Variants in TNIP3 observed in about 807,000 individuals in gnomAD.
TNIP3 encodes TNFAIP3 interacting protein 3.
Under a neutral mutation model 54.1 loss-of-function variants are expected in TNIP3, and 34 were observed. The ratio of observed to expected loss-of-function variants is 0.63; its 90% CI spans 0.48 to 0.84. The LOEUF is 0.84. Among genes scored for constraint, TNIP3 ranks in the 40% least tolerant of loss-of-function variants. The pLI is 0.00. For synonymous variants in TNIP3, 134 were observed against 136.8 expected, an observed-to-expected ratio of 0.98 and a Z score of 0.14; for missense variants, 366 against 387.6, an observed-to-expected ratio of 0.94 and a Z score of 0.47.
At chr4:121,135,597 C>T (rs1456309095) in intron 10 of TNIP3, among the ~76,000 whole-genome samples, 1 of 152,050 alleles carries the variant, frequency 6.6e-6, no homozygotes, top group Admixed American at 6.5e-5. Context: ...CAGGGTTTCA[C>T]CATGTTGCCC....
intron 2 of TNIP3, chr4:121,192,702 C>T (rs1725363212): frequency 6.6e-6 from 1 of 152,052 alleles, no homozygotes; most frequent in African/African-American, 2.4e-5. Flanking sequence ...TTTTGAGTTC[C>T]GGAGAAGGGG....
chr4:121,160,659 T>C (rs1458692722), intron 2 of TNIP3, among the ~76,000 whole-genome samples: 1 of 152,220 alleles, frequency 6.6e-6, no homozygotes, highest in Non-Finnish European at 1.5e-5. Context: ...ACTTTATTTA[T>C]GATAATGCTT....
At chr4:121,162,665 A>G (rs552904729) in intron 1 of TNIP3, among the ~76,000 whole-genome samples, 2 of 152,370 alleles carry the variant, frequency 1.3e-5, no homozygotes, top group East Asian at 3.9e-4. Context: ...ACTGGATTTT[A>G]GAATGGTGGT....
chr4:121,150,617 T>A (rs1185219335), intron 5 of TNIP3, among the ~76,000 whole-genome samples: 1 of 152,224 alleles, frequency 6.6e-6, no homozygotes, highest in African/African-American at 2.4e-5. Context: ...CATCCCTTGG[T>A]ACTGACTCCC....
upstream of TNIP3, among the ~76,000 whole-genome samples, chr4:121,220,591 G>GT (rs201288851): frequency 9.9e-5 from 15 of 150,948 alleles, no homozygotes; most frequent in Non-Finnish European, 1.5e-4. Flanking sequence ...CTGAAACAAT[G>GT]TTTTTTTTTA....
chr4:121,160,314 A>AG (rs1560656707), intron 2 of TNIP3, among the ~76,000 whole-genome samples: 2 of 152,176 alleles, frequency 1.3e-5, no homozygotes, highest in Non-Finnish European at 2.9e-5. Flanking sequence ...CCCCATCTCT[A>AG]CTAAAGATAC....
intron 10 of TNIP3, among the ~76,000 whole-genome samples, chr4:121,135,731 C>A (rs1051321162): frequency 6.6e-6 from 1 of 152,134 alleles, no homozygotes; most frequent in African/African-American, 2.4e-5. Flanking sequence ...GTCAATACCA[C>A]AAAATTATTT....
chr4:121,199,202 C>G (rs911084590), intron 2 of TNIP3, among the ~76,000 whole-genome samples: 5 of 151,976 alleles, frequency 3.3e-5, no homozygotes, highest in Non-Finnish European at 5.9e-5. Flanking sequence ...TTTAGGGAAA[C>G]CTGGGACACA....
intron 10 of TNIP3, among the ~76,000 whole-genome samples, chr4:121,135,764 G>A (rs1232347852): frequency 6.6e-6 from 1 of 152,158 alleles, no homozygotes; most frequent in Admixed American, 6.5e-5. Flanking sequence ...GAGCAATTCA[G>A]TTACACCAAC....
intron 3 of TNIP3, among the ~76,000 whole-genome samples, chr4:121,174,805 A>G (rs1479972357): frequency 6.6e-6 from 1 of 152,200 alleles, no homozygotes; most frequent in African/African-American, 2.4e-5. Context: ...AAGTGTTTTT[A>G]TTACATTTCA....
Position 121,227,329 on chromosome 4 carries a change from C to G in TNIP3, c.3+56G>C. The stretch of plus-strand genomic sequence containing the variant: ...TTTAAAAAAGAAATTAAGTTACAAC[C>G]AACCCTGGTAAGTAAGCGAAATGAA... On this transcript the variant is annotated intron_variant, in intron 1 of 12. Transcript: ENST00000509841. The G allele has an allele frequency of 4.0e-6, 6 of 1,510,066 alleles. No individual in the cohort carries two copies. In the South Asian group the frequency reaches 7.3e-5, roughly 18 times the overall value. 93.5% of individuals were successfully genotyped at this position (1,510,066 alleles called of 1,614,324 possible). A position where few individuals can be genotyped will look rare whatever the true frequency, so the allele number is the denominator to read the frequency against.
rs1728531511 is a variant in TNIP3 at position 121,132,525 on chromosome 4, A to G, written c.*106T>C. ...CATGACCAGGCACAAATAACAGGGT[A>G]GATGATGTGCCTTTGTGGCAGAAAC... On this transcript the variant is annotated 3_prime_UTR_variant, in exon 11 of 11. Coordinates refer to ENST00000057513, the MANE Select transcript of TNIP3 (RefSeq NM_024873.6). The G allele has an allele frequency of 9.7e-7, 1 of 1,029,486 alleles. No homozygotes were observed. Among genetic ancestry groups the G allele is most frequent in the Non-Finnish European group, 1.5e-6 (1 of 663,800 alleles). The allele number at this position is 1,029,486 out of a possible 1,614,324, so 63.8% of individuals were successfully genotyped here. A position where few individuals can be genotyped will look rare whatever the true frequency, so the allele number is the denominator to read the frequency against.
rs376103935 is a variant in TNIP3 at position 121,134,491 on chromosome 4, C to T, written c.947-1829G>A. On this transcript the variant is annotated intron_variant, in intron 10 of 10. Coordinates refer to ENST00000057513, the MANE Select transcript of TNIP3 (RefSeq NM_024873.6). The stretch of plus-strand genomic sequence containing the variant: ...TCACGTTTCTAAACAAAAGCTGTAA[C>T]TCATTAATATCTGTGGACTTCAATG... 2.7e-4 allele frequency among the ~76,000 whole-genome samples: 41 copies of T among 152,334 alleles called. No homozygotes were observed. The South Asian group carries it at 7.9e-3, about 29-fold the overall frequency.
chr4:121,181,894 T>C (rs1724735475), intron 3 of TNIP3, among the ~76,000 whole-genome samples: 1 of 152,238 alleles, frequency 6.6e-6, no homozygotes, highest in Non-Finnish European at 1.5e-5. Context: ...ATGATTTTTA[T>C]AGTTTTCTGT....
intron 2 of TNIP3, among the ~76,000 whole-genome samples, chr4:121,215,410 GTAGAA>G (rs1008390908): frequency 4.6e-5 from 7 of 152,162 alleles, no homozygotes; most frequent in African/African-American, 1.7e-4. Flanking sequence ...ATATTGGCCT[GTAGAA>G]TAAATTCTCA....
chr4:121,137,514 T>G (rs1728859589), intron 10 of TNIP3: 1 of 152,674 alleles, frequency 6.5e-6, no homozygotes, highest in African/African-American at 2.4e-5. Flanking sequence ...TCTATGATGC[T>G]GTTGTAATCT....
chr4:121,137,070 C>A (rs946643327), intron 10 of TNIP3, among the ~76,000 whole-genome samples: 1 of 152,084 alleles, frequency 6.6e-6, no homozygotes, highest in Non-Finnish European at 1.5e-5. Context: ...CATCACAATT[C>A]ATTTCTATTT....
Position 121,157,957 on chromosome 4 carries a change from T to C in TNIP3, c.214-714A>G, listed in dbSNP as rs1187638664. On this transcript the variant is annotated intron_variant, in intron 3 of 10. Transcript: ENST00000057513. ...ATTGCCTGGTGCAGCAGGAACATTA[T>C]CCTGCACCTTCTAAATTCAATACTT... 3.9e-5 allele frequency among the ~76,000 whole-genome samples: 6 copies of C among 152,160 alleles called. No homozygotes were observed. The East Asian group carries it at 1.2e-3, about 29-fold the overall frequency.
upstream of TNIP3, among the ~76,000 whole-genome samples, chr4:121,220,038 T>G (rs1376385678): frequency 1.3e-5 from 2 of 152,168 alleles, no homozygotes; most frequent in Non-Finnish European, 2.9e-5. Context: ...TATCCATATA[T>G]AATAAATAAT....
Sources: allele counts gnomAD v4.1 joint callset (sites outside exome capture counted in the v4.1 genomes callset), GRCh38; gene constraint gnomAD v4.1.1; transcripts MANE v1.5; gene names NCBI Gene and HGNC (gene_info 2026-07-23, HGNC 2026-07-21).